The following IPO9 variants were observed in gnomAD, a reference collection of about 807,000 sequenced individuals.
IPO9 encodes the protein importin 9.
Under a neutral mutation model 128.6 loss-of-function variants are expected in IPO9, and 28 were observed. That is an observed-to-expected ratio of 0.22 (90% CI 0.16 to 0.30). The LOEUF (loss-of-function observed/expected upper bound fraction) is 0.30, where lower values mean the gene tolerates loss of function less well. Among genes scored for constraint, IPO9 ranks in the 10% least tolerant of loss-of-function variants. IPO9 has a pLI of 1.00. For synonymous variants in IPO9, 455 were observed against 475.8 expected (o/e 0.96, Z 0.57); for missense variants, 935 against 1,293.9 (o/e 0.72, Z 4.26).
chr1:201,846,384 G>GT (rs1433682428), intron 1 of IPO9, among the ~76,000 whole-genome samples: 3 of 152,272 alleles, frequency 2.0e-5, no homozygotes, highest in Non-Finnish European at 2.9e-5. Context: ...TTGTTTGTTT[G>GT]TTTTTTGAGA....
chr1:201,847,638 G>A lies in IPO9; in HGVS notation c.312G>A (p.Arg104=). 1 of 1,605,996 alleles carries A rather than the reference G, an allele frequency of 6.2e-7. No individual in the cohort carries two copies. Among genetic ancestry groups the A allele is most frequent in the African/African-American group, 1.3e-5 (1 of 74,808 alleles). Reference sequence around the variant, plus strand: ...TTAGGCCTCCTGAAACTACAGAAAGGGTAAGTCAGTTACTTGATTAGTCTA... The same window carrying A: ...TTAGGCCTCCTGAAACTACAGAAAGAGTAAGTCAGTTACTTGATTAGTCTA... ...EKFRPPETTE[R]AKIVIRELLP... The change falls in exon 3 of 24, where the codon AGG becomes AGA. Residue 104 remains arginine (R), a splice_region_variant and synonymous_variant. Coordinates refer to ENST00000361565, the MANE Select transcript of IPO9 (RefSeq NM_018085.5).
chr1:201,870,814 A>G lies in IPO9; in HGVS notation c.2365A>G (p.Ile789Val), dbSNP rs1680636051. The G allele has an allele frequency of 1.9e-6, 3 of 1,614,016 alleles. No individual in the cohort carries two copies. The highest frequency in any genetic ancestry group is 2.5e-6 in the Non-Finnish European group (3 of 1,180,016). ...GENLDQILRA[I>V]LSKMQQAETL... ...GAATCTAGACCAGATTCTTCGTGCC[A>G]TCCTCAGTAAGATGCAGCAGGCAGA... The change falls in exon 18 of 24, where the codon ATC becomes GTC. Residue 789 changes from isoleucine (I) to valine (V), a missense_variant. Physicochemically the swap from Ile to Val is conservative, Grantham distance 29. This residue lies in a region of IPO9 where 741 missense variants were observed against 1,019.1 expected (regional missense o/e 0.73). Coordinates refer to ENST00000361565, the MANE Select transcript of IPO9 (RefSeq NM_018085.5). This position sits in a 1 kb window ranked among gnomAD's most constrained non-coding sequence, Gnocchi z 4.9.
At chr1:201,841,541 A>G (rs1269840287) in intron 1 of IPO9, among the ~76,000 whole-genome samples, 4 of 152,220 alleles carry the variant, frequency 2.6e-5, no homozygotes, top group Admixed American at 2.6e-4. Context: ...GCCTAGGAAT[A>G]GTGATACTCC....
intron 1 of IPO9, among the ~76,000 whole-genome samples, chr1:201,833,540 G>A (rs1265344838): frequency 6.6e-6 from 1 of 152,104 alleles, no homozygotes; most frequent in Non-Finnish European, 1.5e-5. Flanking sequence ...CGCCTGGCTG[G>A]AATGATTTTC....
rs12092411 is a variant in IPO9 at position 201,874,998 on chromosome 1, C to G, written c.2938+62C>G. The G allele has an allele frequency of 4.7e-3, 6,636 of 1,425,132 alleles. 202 individuals carry two copies. The African/African-American group carries it at 0.071, about 15-fold the overall frequency. The allele number at this position is 1,425,132 out of a possible 1,614,324, so 88.3% of individuals were successfully genotyped here. A position where few individuals can be genotyped will look rare whatever the true frequency, so the allele number is the denominator to read the frequency against. On this transcript the variant is annotated intron_variant, in intron 22 of 23. Transcript: ENST00000361565. ...CCTTTTCTTTGCACACTGATCCCAACAGTGGGGTACCCAAGAAAGGGGAGA... is the reference window on the plus strand; with the variant it reads ...CCTTTTCTTTGCACACTGATCCCAAGAGTGGGGTACCCAAGAAAGGGGAGA...
At position 201,863,534 on chromosome 1, in the gene IPO9, C is replaced by T; in HGVS notation, c.1555C>T (p.Gln519Ter). 1 of 1,608,184 alleles carries T rather than the reference C, an allele frequency of 6.2e-7. No individual in the cohort carries two copies. Among genetic ancestry groups the T allele is most frequent in the Non-Finnish European group, 8.5e-7 (1 of 1,175,212 alleles). ...MSPELIQQFL[Q>*]ATVSGLHETQ... is the part of the protein sequence containing the mutation. ...CCCTGAACTGATCCAGCAGTTCCTA[C>T]AGGCAACAGTTAGTGGTCTTCACGA... The change falls in exon 14 of 24, where the codon CAG (glutamine) becomes TAG (stop). Residue 519 changes from glutamine (Q) to a stop codon, truncating the protein, a stop_gained. Transcript: ENST00000361565. LOFTEE classifies it high-confidence loss of function.
At position 201,880,928 on chromosome 1, in the gene IPO9, A is replaced by T. The variant is rs986660036; in HGVS notation, c.*4874A>T. On this transcript the variant is annotated 3_prime_UTR_variant, in exon 24 of 24. Transcript: ENST00000361565. The stretch of plus-strand genomic sequence containing the variant: ...GATGAGTTTGCCCAACTGTAAGCTA[A>T]TGTAAGTGATCTGAGTAGGTTTAAG... 1 of 152,236 alleles carries T rather than the reference A, an allele frequency of 6.6e-6. No homozygotes were observed. The highest frequency in any genetic ancestry group is 1.5e-5 in the Non-Finnish European group (1 of 68,036). The allele number at this position is 152,236 out of a possible 1,614,324, so 9.4% of individuals were successfully genotyped here. A position where few individuals can be genotyped will look rare whatever the true frequency, so the allele number is the denominator to read the frequency against.
At chr1:201,868,217 A>G (rs1260097203) in intron 15 of IPO9, among the ~76,000 whole-genome samples, 2 of 151,814 alleles carry the variant, frequency 1.3e-5, no homozygotes, top group Non-Finnish European at 1.5e-5. Flanking sequence ...TGGCTACCCC[A>G]TAGGAGATAT....
At chr1:201,874,776 G>T in intron 21 of IPO9, 56 bp from the exon 22 acceptor site, 1 of 1,224,174 alleles carries the variant, frequency 8.2e-7, no homozygotes. Flanking sequence ...TTTGGATTTG[G>T]GGAGGGAAAA....
intron 1 of IPO9, among the ~76,000 whole-genome samples, chr1:201,839,893 T>C (rs1680004972): frequency 6.6e-6 from 1 of 152,066 alleles, no homozygotes; most frequent in African/African-American, 2.4e-5. Context: ...CTGGGAGGAA[T>C]TTTTTTCCCC....
chr1:201,864,313 T>C (rs927227171), intron 14 of IPO9, among the ~76,000 whole-genome samples: 1 of 152,242 alleles, frequency 6.6e-6, no homozygotes, highest in Admixed American at 6.5e-5. Flanking sequence ...GTTAATGTTA[T>C]GACCATAAAC....
rs1278491688 is a variant in IPO9, at chr1:201,871,202, A to G, written c.2451A>G (p.Leu817=). ...TCGCTCATCTGGTGCACACTCAGCT[A>G]GAACCTCTCTTGGAGTTCCTGTGTA... ...MVFAHLVHTQ[L]EPLLEFLCSL... Residue 817 remains leucine (L), a synonymous_variant, in exon 19 of 24, where the codon CTA becomes CTG. Transcript: ENST00000361565. 3 of 1,613,978 alleles carry G rather than the reference A, an allele frequency of 1.9e-6. No homozygotes were observed. Among genetic ancestry groups the G allele is most frequent in the Middle Eastern group, 1.6e-4 (1 of 6,062 alleles).
chr1:201,844,097 G>A (rs1472464949), intron 1 of IPO9, among the ~76,000 whole-genome samples: 3 of 151,988 alleles, frequency 2.0e-5, no homozygotes, highest in Non-Finnish European at 4.4e-5. Context: ...AAAAGAAACA[G>A]GATAATAGCA....
In IPO9 at chr1:201,863,522, C is replaced by T. The variant is rs1680490586; in HGVS notation, c.1543C>T (p.Gln515Ter). The T allele has an allele frequency of 6.2e-7, 1 of 1,607,988 alleles. No individual in the cohort carries two copies. Among genetic ancestry groups the T allele is most frequent in the African/African-American group, 1.3e-5 (1 of 74,810 alleles). Residue 515 changes from glutamine (Q) to a stop codon, truncating the protein, a stop_gained, in exon 14 of 24, where the codon CAG becomes TAG. Coordinates refer to ENST00000361565, the MANE Select transcript of IPO9 (RefSeq NM_018085.5). LOFTEE classifies it high-confidence loss of function. ...FTVAMSPELI[Q>*]QFLQATVSGL... Reference sequence around the variant, plus strand: ...TGTTGCTATGTCCCCTGAACTGATCCAGCAGTTCCTACAGGCAACAGTTAG... The same window carrying T: ...TGTTGCTATGTCCCCTGAACTGATCTAGCAGTTCCTACAGGCAACAGTTAG...
intron 14 of IPO9, among the ~76,000 whole-genome samples, chr1:201,865,153 A>G (rs186134152): frequency 9.4e-4 from 140 of 149,118 alleles, no homozygotes; most frequent in African/African-American, 3.2e-3. Flanking sequence ...TTACCAGCCA[A>G]TTGCAGACTG....
intron 15 of IPO9, 73 bp from the exon 16 acceptor site, chr1:201,868,575 A>G (rs1680596066): frequency 1.3e-6 from 2 of 1,515,272 alleles, no homozygotes; most frequent in Non-Finnish European, 1.8e-6. Context: ...GGGCCAAACA[A>G]CAGGCATCAT....
rs1680772252 is a variant in IPO9, at chr1:201,876,758, A to C, written c.*704A>C. 1 of 152,038 alleles carries C rather than the reference A, an allele frequency of 6.6e-6. No individual in the cohort carries two copies. Among genetic ancestry groups the C allele is most frequent in the South Asian group, 2.1e-4 (1 of 4,816 alleles). 9.4% of individuals were successfully genotyped at this position (152,038 alleles called of 1,614,324 possible). On this transcript the variant is annotated 3_prime_UTR_variant, in exon 24 of 24. Transcript: ENST00000361565. Reference sequence around the variant, plus strand: ...CAATTTGATCTTCCTTTTTTAGAAAAAAAAAAAAAAATGGGGAAAAGGGAT... The same window carrying C: ...CAATTTGATCTTCCTTTTTTAGAAACAAAAAAAAAAATGGGGAAAAGGGAT...
intron 16 of IPO9, among the ~76,000 whole-genome samples, chr1:201,869,080 A>G (rs1322371938): frequency 2.0e-5 from 3 of 152,030 alleles, no homozygotes; most frequent in Non-Finnish European, 4.4e-5. Flanking sequence ...GTGAAACCCT[A>G]TCTCTACTAA....
chr1:201,846,340 A>G (rs1680122835), intron 1 of IPO9, among the ~76,000 whole-genome samples: 1 of 152,162 alleles, frequency 6.6e-6, no homozygotes, highest in African/African-American at 2.4e-5. Context: ...CCTCAGGAAT[A>G]GATGGTCCCA....
Sources: allele counts gnomAD v4.1 joint callset (sites outside exome capture counted in the v4.1 genomes callset), GRCh38; gene constraint gnomAD v4.1.1; regional missense constraint gnomAD v4.1.1; non-coding constraint Gnocchi (gnomAD v3.1); transcripts MANE v1.5; gene names NCBI Gene and HGNC (gene_info 2026-07-23, HGNC 2026-07-21).